The following CNTNAP2 variants were observed in gnomAD, a reference collection of about 807,000 sequenced individuals.
CNTNAP2 encodes contactin-associated protein-like 2.
A neutral mutation model predicts 155.2 loss-of-function variants in CNTNAP2; 98 were observed. The observed-to-expected ratio is 0.63, with a 90% CI of 0.54 to 0.75. The LOEUF (loss-of-function observed/expected upper bound fraction) is 0.75. CNTNAP2 is among the 30% of genes least tolerant of loss of function. CNTNAP2 has a pLI of 0.00. For missense variants in CNTNAP2, 1,727 were observed against 1,688.1 expected (o/e 1.02, Z -0.40); for synonymous variants, 651 against 631.2 (o/e 1.03, Z -0.47).
chr7:147,427,582 G>T (rs939101397), intron 10 of CNTNAP2, among the ~76,000 whole-genome samples: 4 of 152,058 alleles, frequency 2.6e-5, no homozygotes, highest in African/African-American at 7.2e-5. Context: ...GTGTTTTAGT[G>T]GGTAGATAAC....
At chr7:146,903,246 G>C (rs10081247) in intron 3 of CNTNAP2, among the ~76,000 whole-genome samples, 49,280 of 151,954 alleles carry the variant, frequency 0.32, 8,491 homozygotes, top group Middle Eastern at 0.38. Context: ...TTTGTCACCA[G>C]AGATAGCTTG....
intron 1 of CNTNAP2, among the ~76,000 whole-genome samples, chr7:146,501,810 G>A (rs948494706): frequency 3.3e-5 from 5 of 152,052 alleles, no homozygotes; most frequent in Admixed American, 1.3e-4. Context: ...ATAAGAGAAA[G>A]GCAGAGGGTG....
chr7:146,439,515 A>G (rs937646732), intron 1 of CNTNAP2, among the ~76,000 whole-genome samples: 1 of 151,450 alleles, frequency 6.6e-6, no homozygotes, highest in Admixed American at 6.6e-5. Flanking sequence ...CATTACTTCA[A>G]AGTAGATGAT....
chr7:147,533,227 C>T (rs1168783363), intron 11 of CNTNAP2, among the ~76,000 whole-genome samples: 2 of 152,158 alleles, frequency 1.3e-5, no homozygotes, highest in African/African-American at 4.8e-5. Context: ...AGACTTTATT[C>T]TAACTGCAAA....
rs965950316 is a variant in CNTNAP2, at chr7:147,027,288, A to G, written c.403-16619A>G. 9.8e-5 allele frequency among the ~76,000 whole-genome samples: 15 copies of G among 152,350 alleles called. No homozygotes were observed. In the East Asian group the frequency reaches 2.7e-3, roughly 27 times the overall value. On this transcript the variant is annotated intron_variant, in intron 3 of 23. Transcript: ENST00000361727. ...CATCACATTGCACAAGAAGTGGATAATCTTTCATTACAAAAGAAAAGATGG... is the reference window on the plus strand; with the variant it reads ...CATCACATTGCACAAGAAGTGGATAGTCTTTCATTACAAAAGAAAAGATGG...
intron 10 of CNTNAP2, among the ~76,000 whole-genome samples, chr7:147,457,118 T>C (rs375920013): frequency 1.1e-4 from 17 of 152,142 alleles, no homozygotes; most frequent in African/African-American, 3.9e-4. Flanking sequence ...CATATGTCTA[T>C]TCCAAAAAGC....
Position 146,325,077 on chromosome 7 carries a change from G to A in CNTNAP2, c.97+208104G>A, listed in dbSNP as rs565298699. Among the ~76,000 whole-genome samples, 6 of 152,042 alleles carry A rather than the reference G, an allele frequency of 3.9e-5. No homozygotes were observed. The East Asian group carries it at 1.2e-3, about 29-fold the overall frequency. On this transcript the variant is annotated intron_variant, in intron 1 of 23. Coordinates refer to ENST00000361727, the MANE Select transcript of CNTNAP2 (RefSeq NM_014141.6). ...AGCCTCCTGAGTAGCTGCAACCACAGGTGCACACTACTACCAATTTTTTGT... is the reference window on the plus strand; with the variant it reads ...AGCCTCCTGAGTAGCTGCAACCACAAGTGCACACTACTACCAATTTTTTGT...
chr7:146,484,190 C>G (rs1797021655), intron 1 of CNTNAP2, among the ~76,000 whole-genome samples: 1 of 152,152 alleles, frequency 6.6e-6, no homozygotes, highest in Middle Eastern at 3.2e-3. Flanking sequence ...ACCATATAGT[C>G]TAGGTGCGTA....
chr7:148,392,807 G>C (rs773539348), intron 22 of CNTNAP2, among the ~76,000 whole-genome samples: 18 of 152,126 alleles, frequency 1.2e-4, no homozygotes, highest in Non-Finnish European at 1.6e-4. Context: ...AGGCACGTGG[G>C]TCTTCTCCCA....
At chr7:147,803,924 C>G (rs1426715190) in intron 13 of CNTNAP2, among the ~76,000 whole-genome samples, 1 of 152,216 alleles carries the variant, frequency 6.6e-6, no homozygotes, top group African/African-American at 2.4e-5. Flanking sequence ...TTCTTTGACT[C>G]GTTTACATGT....
intron 1 of CNTNAP2, among the ~76,000 whole-genome samples, chr7:146,352,846 C>T (rs1394889581): frequency 1.4e-5 from 2 of 146,500 alleles, no homozygotes; most frequent in African/African-American, 2.6e-5. Flanking sequence ...GCTCCGCCTC[C>T]CGGGTTCACG....
intron 1 of CNTNAP2, among the ~76,000 whole-genome samples, chr7:146,170,448 A>C (rs566189921): frequency 6.6e-6 from 1 of 152,052 alleles, no homozygotes; most frequent in African/African-American, 2.4e-5. Context: ...ATTTGTTATT[A>C]CTCATCTTTT....
At chr7:147,933,056 GGTTTGTTTGTTTGTTTGTTT>G (rs71527856) in intron 14 of CNTNAP2, among the ~76,000 whole-genome samples, 3 of 145,282 alleles carry the variant, frequency 2.1e-5, no homozygotes, top group Admixed American at 7.2e-5. Context: ...TATTTGAGGG[GGTTTGTTTGTTTGTTTGTTT>G]GTTTGTTTGT....
At chr7:146,952,380 G>A (rs936007608) in intron 3 of CNTNAP2, among the ~76,000 whole-genome samples, 2 of 152,124 alleles carry the variant, frequency 1.3e-5, no homozygotes, top group African/African-American at 4.8e-5. Flanking sequence ...AGACAAGTAT[G>A]CCCTCTCTCA....
At chr7:146,343,841 A>AT (rs1277074159) in intron 1 of CNTNAP2, among the ~76,000 whole-genome samples, 2 of 151,532 alleles carry the variant, frequency 1.3e-5, no homozygotes, top group African/African-American at 4.9e-5. Context: ...ATCTATATAT[A>AT]ATTGGTAAAT....
chr7:147,279,908 G>A (rs1214791966), intron 8 of CNTNAP2, among the ~76,000 whole-genome samples: 2 of 151,888 alleles, frequency 1.3e-5, no homozygotes, highest in African/African-American at 4.8e-5. Context: ...GGTAGACAGA[G>A]ATCTGTCAGA....
intron 1 of CNTNAP2, among the ~76,000 whole-genome samples, chr7:146,377,452 T>A (rs1227139021): frequency 6.6e-6 from 1 of 152,190 alleles, no homozygotes; most frequent in Admixed American, 6.5e-5. Context: ...TATATACTGA[T>A]GACTATTAAG....
intron 18 of CNTNAP2, among the ~76,000 whole-genome samples, chr7:148,212,052 A>C (rs1795560220): frequency 1.3e-5 from 2 of 152,216 alleles, no homozygotes; most frequent in Admixed American, 1.3e-4. Context: ...GAATAGAATT[A>C]TTTAACTTGG....
At chr7:148,354,016 T>C (rs924548809) in intron 21 of CNTNAP2, among the ~76,000 whole-genome samples, 15 of 152,128 alleles carry the variant, frequency 9.9e-5, no homozygotes, top group Admixed American at 4.6e-4. Context: ...GCCAGGAAAT[T>C]AACTTTTAAC....
Sources: gnomAD v4.1 joint callset for allele counts (sites outside exome capture counted in the v4.1 genomes callset) on GRCh38, gnomAD v4.1.1 for gene constraint, MANE v1.5 for transcripts, NCBI Gene and HGNC (gene_info 2026-07-23, HGNC 2026-07-21) for gene names.